PCDH19: variants seen among roughly 807,000 people sequenced by gnomAD.
PCDH19 encodes protocadherin-19.
In PCDH19, 6 loss-of-function variants were observed where a neutral mutation model predicts 46.2. The observed-to-expected ratio is 0.13, with a 90% CI of 0.07 to 0.26. The LOEUF is 0.26. Ranked by LOEUF, PCDH19 falls within the 10% of genes least tolerant of loss-of-function variation. The pLI is 1.00. For synonymous variants in PCDH19, 481 were observed against 415.7 expected, an observed-to-expected ratio of 1.16 and a Z score of -1.91; for missense variants, 740 against 972.3, an observed-to-expected ratio of 0.76 and a Z score of 3.18.
chrX:100,406,367 A>T, intron 1 of PCDH19, 84 bp downstream of exon 1: 1 of 802,635 alleles, frequency 1.2e-6, no homozygotes, highest in Non-Finnish European at 1.8e-6. Context: ...TTAAGTAGGA[A>T]ACAAAAGCAC....
At chrX:100,342,239 C>T (rs1336635462) in intron 4 of PCDH19, among the ~76,000 whole-genome samples, 164 bp from the exon 5 acceptor site, 1 of 111,840 alleles carries the variant, frequency 8.9e-6, no homozygotes, top group Non-Finnish European at 1.9e-5. Context: ...GATAATAAAA[C>T]TTAACATTGC....
intron 3 of PCDH19, among the ~76,000 whole-genome samples, chrX:100,378,313 G>A (rs929195001): frequency 3.5e-5 from 4 of 113,117 alleles, no homozygotes; most frequent in Non-Finnish European, 5.6e-5. Flanking sequence ...TGCCCACGTG[G>A]ATCCTTGAGA....
chrX:100,360,123 C>T (rs1244369714), intron 3 of PCDH19, among the ~76,000 whole-genome samples: 1 of 111,592 alleles, frequency 9.0e-6, no homozygotes, highest in Non-Finnish European at 1.9e-5. Context: ...TGGCCTTGTG[C>T]CTTTGGGCCA....
intron 5 of PCDH19, among the ~76,000 whole-genome samples, chrX:100,339,081 G>A (rs1926180338): frequency 8.9e-6 from 1 of 111,860 alleles, no homozygotes; most frequent in East Asian, 2.8e-4. Flanking sequence ...CGCTCTTGTT[G>A]GATACATTTG....
intron 3 of PCDH19, among the ~76,000 whole-genome samples, chrX:100,388,873 G>A (rs1431719729): frequency 9.0e-6 from 1 of 111,081 alleles, no homozygotes; most frequent in Non-Finnish European, 1.9e-5. Flanking sequence ...ACATTCCTGT[G>A]TTCCTTGACT....
At chrX:100,333,974 G>C (rs1403384977) in intron 5 of PCDH19, among the ~76,000 whole-genome samples, 2 of 109,197 alleles carry the variant, frequency 1.8e-5, no homozygotes, top group Non-Finnish European at 3.8e-5. Context: ...ATTTTTAGCA[G>C]AGACAGGGTT....
intron 5 of PCDH19, among the ~76,000 whole-genome samples, chrX:100,309,154 G>GCACACACACACACACACACA (rs55663829): frequency 0.026 from 2,127 of 81,676 alleles, 23 homozygotes; most frequent in Middle Eastern, 0.035. Context: ...TGTGATGCAT[G>GCACACACACACACACACACA]CACACACACA....
chrX:100,404,818 C>A (rs998808305), intron 1 of PCDH19, among the ~76,000 whole-genome samples: 2 of 110,912 alleles, frequency 1.8e-5, no homozygotes, highest in African/African-American at 6.6e-5. Context: ...AAAAAGAGTC[C>A]TCTCCATAAT....
intron 3 of PCDH19, among the ~76,000 whole-genome samples, chrX:100,364,433 C>T (rs1927017154): frequency 9.0e-6 from 1 of 111,443 alleles, no homozygotes; most frequent in Admixed American, 9.5e-5. Flanking sequence ...GCTCAGTAAC[C>T]ACATGTGGCT....
intron 4 of PCDH19, 61 bp from the exon 5 acceptor site, chrX:100,342,136 T>C: frequency 9.6e-7 from 1 of 1,042,046 alleles, no homozygotes; most frequent in Non-Finnish European, 1.3e-6. Flanking sequence ...AAAATCTTTC[T>C]GAGCCAGGAT....
rs1928557710 is a variant in PCDH19, at chrX:100,410,145, T to TA, written c.-1549_-1548insT. 13 of 295,285 alleles carry TA rather than the reference T, an allele frequency of 4.4e-5. No homozygotes were observed. The highest frequency in any genetic ancestry group is 7.7e-5 in the Non-Finnish European group (13 of 169,705). 24.3% of individuals were successfully genotyped at this position (295,285 alleles called of 1,213,427 possible). A position where few individuals can be genotyped will look rare whatever the true frequency, so the allele number is the denominator to read the frequency against. ...GCCGGGCTAGGGACGCGGGTGCCAG[T>TA]GCCTCCCGGGCAAGCCAGGCATGGT... is the stretch of plus-strand genomic sequence containing the variant. On this transcript the variant is annotated 5_prime_UTR_variant, in exon 1 of 6. The change abolishes the stop of an existing upstream ORF in the 5' untranslated region. Coordinates refer to ENST00000373034, the MANE Select transcript of PCDH19 (RefSeq NM_001184880.2).
Position 100,365,703 on chromosome X carries a change from C to CGCGCACACACAAACGTGTGCGT in PCDH19, c.2617-15021_2617-15000dup, listed in dbSNP as rs1236520614. On this transcript the variant is annotated intron_variant, in intron 3 of 5. Coordinates refer to ENST00000373034, the MANE Select transcript of PCDH19 (RefSeq NM_001184880.2). ...TCTAATCTATTATCTCTCTTGCACA[C>CGCGCACACACAAACGTGTGCGT]GCGCACACACAAACGTGTGCGTGCA... is the stretch of plus-strand genomic sequence containing the variant. Among the ~76,000 whole-genome samples the CGCGCACACACAAACGTGTGCGT allele has an allele frequency of 9.0e-5, 10 of 111,358 alleles. 1 individual carries two copies. Among genetic ancestry groups the CGCGCACACACAAACGTGTGCGT allele is most frequent in the African/African-American group, 3.3e-4 (10 of 30,619 alleles).
chrX:100,395,157 G>A (rs1023663643), intron 3 of PCDH19, among the ~76,000 whole-genome samples: 4 of 112,066 alleles, frequency 3.6e-5, no homozygotes, highest in Non-Finnish European at 7.5e-5. Context: ...AAAGTGCTGG[G>A]ATTACAGGCG....
At chrX:100,350,089 T>A (rs1368941380) in intron 4 of PCDH19, among the ~76,000 whole-genome samples, 1 of 112,591 alleles carries the variant, frequency 8.9e-6, no homozygotes, top group Non-Finnish European at 1.9e-5. Flanking sequence ...AGGATTGGCT[T>A]CTCTGTCATT....
intron 5 of PCDH19, among the ~76,000 whole-genome samples, chrX:100,327,652 T>C (rs1440451139): frequency 8.9e-6 from 1 of 112,028 alleles, no homozygotes; most frequent in Non-Finnish European, 1.9e-5. Context: ...CTTTTGTCCC[T>C]GCCAATCTCG....
intron 5 of PCDH19, among the ~76,000 whole-genome samples, chrX:100,322,865 A>ATATATATATATATATTTTTTTTT: frequency 2.4e-4 from 13 of 54,398 alleles, no homozygotes; most frequent in East Asian, 4.5e-4. Flanking sequence ...ATATATATAT[A>ATATATATATATATATTTTTTTTT]TTTTTGCAGC....
chrX:100,381,619 A>T (rs1169360286), intron 3 of PCDH19, among the ~76,000 whole-genome samples: 3 of 112,174 alleles, frequency 2.7e-5, no homozygotes, highest in Non-Finnish European at 5.6e-5. Context: ...TCTCTGCTAC[A>T]TCAATTATCA....
intron 3 of PCDH19, among the ~76,000 whole-genome samples, chrX:100,355,709 C>T (rs749534836): frequency 9.0e-6 from 1 of 111,342 alleles, no homozygotes; most frequent in Non-Finnish European, 1.9e-5. Flanking sequence ...TGCTTGGGAG[C>T]TTTCTTTGCT....
chrX:100,350,874 C>T (rs972472566), intron 3 of PCDH19, among the ~76,000 whole-genome samples, 170 bp from the exon 4 acceptor site: 3 of 112,492 alleles, frequency 2.7e-5, no homozygotes, highest in African/African-American at 6.5e-5. Context: ...CTAGGGGCTC[C>T]GTGGAGGCAG....
Sources: allele counts gnomAD v4.1 joint callset (sites outside exome capture counted in the v4.1 genomes callset), GRCh38; gene constraint gnomAD v4.1.1; transcripts MANE v1.5; gene names NCBI Gene and HGNC (gene_info 2026-07-23, HGNC 2026-07-21).